The following CACNA1C variants were observed in gnomAD, a reference collection of about 807,000 sequenced individuals.
The protein encoded by CACNA1C is voltage-dependent L-type calcium channel subunit alpha-1C.
CACNA1C carries 30 observed loss-of-function variants against 229.0 expected under a neutral mutation model. That is an observed-to-expected ratio of 0.13 (90% CI 0.10 to 0.18). The LOEUF is 0.18. CACNA1C is among the 10% of genes least tolerant of loss of function. CACNA1C has a pLI of 1.00. For synonymous variants in CACNA1C, 1,114 were observed against 1,132.5 expected (o/e 0.98, Z 0.33); for missense variants, 1,658 against 2,845.0 (o/e 0.58, Z 9.49).
chr12:2,171,951 G>T (rs1363994364), intron 3 of CACNA1C, among the ~76,000 whole-genome samples: 1 of 152,204 alleles, frequency 6.6e-6, no homozygotes, highest in Non-Finnish European at 1.5e-5. Context: ...GAGGAGGGAA[G>T]ACCAGTATGC....
chr12:2,327,374 C>T (rs1171344406), intron 3 of CACNA1C, among the ~76,000 whole-genome samples: 2 of 152,224 alleles, frequency 1.3e-5, no homozygotes, highest in Non-Finnish European at 2.9e-5. Flanking sequence ...AAACACTTAG[C>T]TGACTGAGCA....
At chr12:2,007,645 T>G (rs1318078404) in intron 1 of CACNA1C, among the ~76,000 whole-genome samples, 2 of 152,252 alleles carry the variant, frequency 1.3e-5, no homozygotes, top group African/African-American at 2.4e-5. Flanking sequence ...AATATGACCC[T>G]TAGTAGAGAA....
At chr12:2,498,538 G>A (rs970189408) in intron 7 of CACNA1C, among the ~76,000 whole-genome samples, 22 of 152,234 alleles carry the variant, frequency 1.4e-4, no homozygotes, top group Non-Finnish European at 2.4e-4. Flanking sequence ...AACATTTATT[G>A]AGCATTTGCT....
intron 3 of CACNA1C, among the ~76,000 whole-genome samples, chr12:2,203,305 C>T (rs549282845): frequency 2.6e-4 from 40 of 152,294 alleles, no homozygotes; most frequent in African/African-American, 9.6e-4. Context: ...ACTTTTCCTT[C>T]TTACAGTCCC....
intron 3 of CACNA1C, among the ~76,000 whole-genome samples, chr12:2,189,059 C>T (rs1189718822): frequency 6.9e-6 from 1 of 144,716 alleles, no homozygotes; most frequent in East Asian, 2.0e-4. Flanking sequence ...CACCACTACA[C>T]TCCAGCCTGC....
chr12:2,519,889 A>T (rs570653202), intron 9 of CACNA1C, among the ~76,000 whole-genome samples: 2 of 152,246 alleles, frequency 1.3e-5, no homozygotes, highest in Non-Finnish European at 2.9e-5. Flanking sequence ...CTGCTGTGCT[A>T]TCTGGCCCCG....
intron 1 of CACNA1C, among the ~76,000 whole-genome samples, chr12:2,035,069 G>T (rs1387034440): frequency 1.3e-5 from 2 of 152,174 alleles, no homozygotes; most frequent in Non-Finnish European, 2.9e-5. Flanking sequence ...CTCAGGTGCC[G>T]GCGCCCCCTG....
chr12:2,227,461 A>G (rs1003018697), intron 3 of CACNA1C, among the ~76,000 whole-genome samples: 1 of 152,208 alleles, frequency 6.6e-6, no homozygotes, highest in Non-Finnish European at 1.5e-5. Flanking sequence ...AGACAATGCT[A>G]TTGTCCTGTT....
intron 43 of CACNA1C, among the ~76,000 whole-genome samples, chr12:2,683,100 G>C (rs1486739123): frequency 6.6e-6 from 1 of 152,140 alleles, no homozygotes; most frequent in African/African-American, 2.4e-5. Context: ...GCCCAGAAGA[G>C]GGCACTGGTG....
intron 13 of CACNA1C, among the ~76,000 whole-genome samples, chr12:2,573,167 G>A (rs931575061): frequency 2.6e-5 from 4 of 151,992 alleles, no homozygotes; most frequent in Non-Finnish European, 4.4e-5. Context: ...CTCCAGCCTC[G>A]TCTCAGCCTC....
intron 1 of CACNA1C, among the ~76,000 whole-genome samples, chr12:2,090,309 A>C (rs1595570704): frequency 1.0e-5 from 1 of 98,588 alleles, no homozygotes; most frequent in Non-Finnish European, 2.0e-5. Flanking sequence ...TGGATAGACT[A>C]CTTTTTTTTT....
intron 3 of CACNA1C, among the ~76,000 whole-genome samples, chr12:2,204,490 A>G (rs2097692282): frequency 6.6e-6 from 1 of 151,144 alleles, no homozygotes; most frequent in Admixed American, 6.6e-5. Flanking sequence ...AGACACATGC[A>G]CACGTATGTT....
chr12:2,052,784 C>T (rs1167202924), upstream of CACNA1C, among the ~76,000 whole-genome samples: 3 of 145,602 alleles, frequency 2.1e-5, no homozygotes, highest in African/African-American at 7.4e-5. Flanking sequence ...GGGAGGGGGC[C>T]CGACTTCGGG....
At chr12:2,156,722 A>G (rs1380670834) in intron 3 of CACNA1C, among the ~76,000 whole-genome samples, 1 of 152,232 alleles carries the variant, frequency 6.6e-6, no homozygotes, top group African/African-American at 2.4e-5. Context: ...GTCAGATGCA[A>G]GTACCCGTGA....
rs112680750 is a variant in CACNA1C at position 2,120,656 on chromosome 12, C to CTGTGTGTGTGTGTGTG, written c.477+252_477+267dup. On this transcript the variant is annotated intron_variant, in intron 3 of 46. Transcript: ENST00000399655. ...TATTCCAGTTAGGTGGTGGTGAGCT[C>CTGTGTGTGTGTGTGTG]TGTGTGTGTGTGTGTGTGTGTGTGT... Among the ~76,000 whole-genome samples, 391 of 139,848 alleles carry CTGTGTGTGTGTGTGTG rather than the reference C, an allele frequency of 2.8e-3. 3 individuals are homozygous for CTGTGTGTGTGTGTGTG. The highest frequency in any genetic ancestry group is 9.9e-3 in the African/African-American group (365 of 36,810). The allele number at this position is 139,848 out of a possible 152,430, so 91.7% of individuals were successfully genotyped here.
chr12:2,688,515 T>A lies in CACNA1C; in HGVS notation c.5853T>A (p.Pro1951=). 1 of 1,613,854 alleles carries A rather than the reference T, an allele frequency of 6.2e-7. No homozygotes were observed. The highest frequency in any genetic ancestry group is 1.6e-4 in the Middle Eastern group (1 of 6,062). The part of the protein sequence containing the change: ...RSHSPASFPR[P]FATPPATPGS... ...ATTCCCCTGCCTCATTCCCTAGGCCTTTTGCCACCCCACCAGCCACACCTG... is the reference window on the plus strand; with the variant it reads ...ATTCCCCTGCCTCATTCCCTAGGCCATTTGCCACCCCACCAGCCACACCTG... Residue 1951 remains proline (P), a synonymous_variant, in exon 46 of 47, where the codon CCT becomes CCA. Coordinates refer to ENST00000399655, the MANE Select transcript of CACNA1C (RefSeq NM_000719.7).
Position 2,500,191 on chromosome 12 carries a change from C to G in CACNA1C, c.1114-4651C>G, listed in dbSNP as rs145197675. 1.4e-3 allele frequency among the ~76,000 whole-genome samples: 218 copies of G among 152,284 alleles called. 1 individual carries two copies. Among genetic ancestry groups the G allele is most frequent in the African/African-American group, 5.1e-3 (213 of 41,572 alleles). On this transcript the variant is annotated intron_variant, in intron 7 of 46. Transcript: ENST00000399655. ...AACCTCTAAAAAACCAGCCCACAGC[C>G]CAGGGGGGACCAAAGCAGCAGTGTG...
intron 3 of CACNA1C, among the ~76,000 whole-genome samples, chr12:2,189,552 G>A (rs1206854365): frequency 7.2e-5 from 11 of 152,290 alleles, no homozygotes; most frequent in Admixed American, 6.5e-4. Context: ...TGGCTGCTGC[G>A]CGAGATGAGG....
rs555461259 is a variant in CACNA1C at position 2,640,999 on chromosome 12, C to T, written c.3912+6619C>T. ...AGTGGGCCTGGCTGTCTCTGTCTGC[C>T]TTTGTGGCTGTAACCACGCCTCCTG... On this transcript the variant is annotated intron_variant, in intron 30 of 46. Coordinates refer to ENST00000399655, the MANE Select transcript of CACNA1C (RefSeq NM_000719.7). Among the ~76,000 whole-genome samples the T allele has an allele frequency of 3.2e-4, 49 of 152,336 alleles. No homozygotes were observed. In the South Asian group the frequency reaches 3.5e-3, roughly 11 times the overall value.
Sources: gnomAD v4.1 joint callset for allele counts (sites outside exome capture counted in the v4.1 genomes callset) on GRCh38, gnomAD v4.1.1 for gene constraint, MANE v1.5 for transcripts, NCBI Gene and HGNC (gene_info 2026-07-23, HGNC 2026-07-21) for gene names.